DOK5: variants seen among roughly 807,000 people sequenced by gnomAD.
The protein encoded by DOK5 is downstream of tyrosine kinase 5.
Under a neutral mutation model 43.3 loss-of-function variants are expected in DOK5, and 27 were observed. That is an observed-to-expected ratio of 0.62 (90% CI 0.46 to 0.86). The LOEUF (loss-of-function observed/expected upper bound fraction) is 0.86, where lower values mean the gene tolerates loss of function less well. DOK5 is among the 40% of genes least tolerant of loss of function. The probability of loss-of-function intolerance (pLI) is 0.00; values close to 1 mark genes in which losing one functional copy is unlikely to be tolerated. For synonymous variants in DOK5, 146 were observed against 140.1 expected, an observed-to-expected ratio of 1.04 and a Z score of -0.30; for missense variants, 373 against 392.9, an observed-to-expected ratio of 0.95 and a Z score of 0.43.
At chr20:54,576,457 G>A (rs1985455705) in intron 2 of DOK5, among the ~76,000 whole-genome samples, 1 of 152,098 alleles carries the variant, frequency 6.6e-6, no homozygotes, top group Non-Finnish European at 1.5e-5. Context: ...GTTTTTAAAA[G>A]AAGGAATAAT....
At chr20:54,616,411 AT>A (rs1478262355) in intron 6 of DOK5, among the ~76,000 whole-genome samples, 3 of 152,166 alleles carry the variant, frequency 2.0e-5, no homozygotes, top group African/African-American at 7.2e-5. Flanking sequence ...AGATTTTTAT[AT>A]TTTCTTGAAA....
intron 7 of DOK5, among the ~76,000 whole-genome samples, chr20:54,648,245 C>T (rs372658194): frequency 7.9e-5 from 12 of 152,188 alleles, no homozygotes; most frequent in East Asian, 3.9e-4. Flanking sequence ...TTAGGCCAAG[C>T]GCTGTGCTAG....
intron 1 of DOK5, among the ~76,000 whole-genome samples, chr20:54,506,242 C>T (rs1402716640): frequency 6.6e-6 from 1 of 152,098 alleles, no homozygotes; most frequent in Non-Finnish European, 1.5e-5. Context: ...TTACCATTAA[C>T]TGCAATGTGG....
At chr20:54,622,062 C>A (rs761967019) in intron 6 of DOK5, among the ~76,000 whole-genome samples, 4 of 151,798 alleles carry the variant, frequency 2.6e-5, no homozygotes, top group Admixed American at 6.6e-5. Flanking sequence ...GGCGTGGTGG[C>A]GCATGCCTGT....
rs8119956 is a variant in DOK5 at position 54,483,763 on chromosome 20, G to A, written c.66+7751G>A. Among the ~76,000 whole-genome samples the A allele has an allele frequency of 1.6e-3, 247 of 152,302 alleles. 2 individuals carry two copies. Among genetic ancestry groups the A allele is most frequent in the African/African-American group, 5.7e-3 (235 of 41,564 alleles). On this transcript the variant is annotated intron_variant, in intron 1 of 7. Coordinates refer to ENST00000262593, the MANE Select transcript of DOK5 (RefSeq NM_018431.5). ...GAAATGCCACATGATATATGTGAAT[G>A]TTTAAATTAAAATAGCTTCTTTCTA...
intron 2 of DOK5, among the ~76,000 whole-genome samples, chr20:54,562,634 T>G (rs1984947468): frequency 6.6e-6 from 1 of 152,102 alleles, no homozygotes; most frequent in Admixed American, 6.6e-5. Flanking sequence ...TCCATGCTGG[T>G]CTCGAACTCG....
At chr20:54,548,228 C>CTTTT (rs1221367994) in intron 1 of DOK5, among the ~76,000 whole-genome samples, 1 of 140,630 alleles carries the variant, frequency 7.1e-6, no homozygotes, top group Non-Finnish European at 1.5e-5. Context: ...GATTACCTAT[C>CTTTT]TTTTATTTAT....
intron 1 of DOK5, among the ~76,000 whole-genome samples, chr20:54,511,609 G>A (rs1983018300): frequency 6.6e-6 from 1 of 152,186 alleles, no homozygotes; most frequent in South Asian, 2.1e-4. Flanking sequence ...TGGTGATGGT[G>A]CAAATGGCAG....
intron 2 of DOK5, among the ~76,000 whole-genome samples, chr20:54,576,471 T>C (rs1809267327): frequency 6.6e-6 from 1 of 152,122 alleles, no homozygotes; most frequent in Admixed American, 6.5e-5. Flanking sequence ...GAATAATCAA[T>C]GGTGATAGAG....
chr20:54,484,363 G>T (rs1981842435), intron 1 of DOK5, among the ~76,000 whole-genome samples: 1 of 148,818 alleles, frequency 6.7e-6, no homozygotes, highest in Admixed American at 6.6e-5. Context: ...TGGGGAAAAA[G>T]AGCAAGACTT....
chr20:54,484,650 C>T (rs1981856842), intron 1 of DOK5, among the ~76,000 whole-genome samples: 1 of 152,196 alleles, frequency 6.6e-6, no homozygotes, highest in African/African-American at 2.4e-5. Context: ...TGCCCCTGTC[C>T]TCCATATCCC....
intron 1 of DOK5, among the ~76,000 whole-genome samples, chr20:54,546,440 G>A (rs1984349227): frequency 6.6e-6 from 1 of 152,034 alleles, no homozygotes; most frequent in African/African-American, 2.4e-5. Context: ...GGGTACATGT[G>A]CACAACGTGC....
At chr20:54,545,911 T>C (rs1568776682) in intron 1 of DOK5, among the ~76,000 whole-genome samples, 2 of 152,188 alleles carry the variant, frequency 1.3e-5, no homozygotes, top group African/African-American at 4.8e-5. Context: ...AAACAGCATA[T>C]GGCTACAACT....
intron 7 of DOK5, among the ~76,000 whole-genome samples, chr20:54,647,231 G>A (rs975641705): frequency 1.3e-5 from 2 of 152,052 alleles, no homozygotes; most frequent in African/African-American, 4.8e-5. Context: ...CTGTCTGGGC[G>A]TGGTGGCTCA....
rs112268688 is a variant in DOK5, at chr20:54,565,661, T to G, written c.174+10621T>G. Among the ~76,000 whole-genome samples, 228 of 152,310 alleles carry G rather than the reference T, an allele frequency of 1.5e-3. 2 individuals are homozygous for G. Among genetic ancestry groups the G allele is most frequent in the Non-Finnish European group, 2.5e-3 (170 of 68,024 alleles). ...TATATTTGTTTACTGCTAGTATACC[T>G]TAAGCTCCAAGAAACTTATTGTGTG... On this transcript the variant is annotated intron_variant, in intron 2 of 7. Coordinates refer to ENST00000262593, the MANE Select transcript of DOK5 (RefSeq NM_018431.5).
intron 6 of DOK5, among the ~76,000 whole-genome samples, chr20:54,611,292 G>T (rs1986642711): frequency 6.6e-6 from 1 of 152,146 alleles, no homozygotes; most frequent in Non-Finnish European, 1.5e-5. Flanking sequence ...CAGGTGCGGT[G>T]GCTCACTCTT....
intron 1 of DOK5, among the ~76,000 whole-genome samples, chr20:54,498,540 G>C (rs1982481545): frequency 6.6e-6 from 1 of 152,068 alleles, no homozygotes; most frequent in Admixed American, 6.5e-5. Context: ...GAGGAAGTTG[G>C]GTCATGTTTT....
chr20:54,599,506 A>G (rs1319819735), intron 5 of DOK5, among the ~76,000 whole-genome samples: 1 of 152,232 alleles, frequency 6.6e-6, no homozygotes, highest in African/African-American at 2.4e-5. Context: ...ACTGTCTACC[A>G]CACAGTGTGC....
chr20:54,625,982 T>C (rs1444738886), intron 6 of DOK5, among the ~76,000 whole-genome samples: 1 of 152,238 alleles, frequency 6.6e-6, no homozygotes, highest in Admixed American at 6.5e-5. Context: ...AGGAGAACGC[T>C]GCTGCGAGGA....
Sources: allele counts gnomAD v4.1 joint callset (sites outside exome capture counted in the v4.1 genomes callset), GRCh38; gene constraint gnomAD v4.1.1; transcripts MANE v1.5; gene names NCBI Gene and HGNC (gene_info 2026-07-23, HGNC 2026-07-21).